UGP2: variants seen among roughly 807,000 people sequenced by gnomAD.
The protein encoded by UGP2 is UDP-glucose pyrophosphorylase 2.
Under a neutral mutation model 49.0 loss-of-function variants are expected in UGP2, and 40 were observed. The ratio of observed to expected loss-of-function variants is 0.82; its 90% CI spans 0.63 to 1.06. The LOEUF (loss-of-function observed/expected upper bound fraction) is 1.06. Among genes scored for constraint, UGP2 ranks in the 50% least tolerant of loss-of-function variants. The pLI is 0.00. For synonymous variants in UGP2, 225 were observed against 213.0 expected, an observed-to-expected ratio of 1.06 and a Z score of -0.49; for missense variants, 460 against 603.5, an observed-to-expected ratio of 0.76 and a Z score of 2.49.
In UGP2 at chr2:63,886,463, ATGGATTTCTCT is replaced by A. The variant is rs1558963025; in HGVS notation, c.999_1009del (p.Trp333CysfsTer4). 6.2e-7 allele frequency: 1 copy of A among 1,614,166 alleles called. No homozygotes were observed. The highest frequency in any genetic ancestry group is 8.5e-7 in the Non-Finnish European group (1 of 1,180,012). On this transcript the variant is annotated frameshift_variant, in exon 7 of 10. Transcript: ENST00000337130. LOFTEE classifies it high-confidence loss of function. ...TCAAAATATTTAATACAAACAACCTATGGATTTCTCTTGCAGCAGTTAAAAGACTGCAGGAG... is the reference window on the plus strand; with the variant it reads ...TCAAAATATTTAATACAAACAACCTATGCAGCAGTTAAAAGACTGCAGGAG...
intron 3 of UGP2, among the ~76,000 whole-genome samples, chr2:63,878,471 T>G (rs181064930): frequency 6.6e-6 from 1 of 152,368 alleles, no homozygotes; most frequent in East Asian, 1.9e-4. Flanking sequence ...AGGCTCTGAT[T>G]ATGTCTCCAT....
chr2:63,876,177 G>A (rs948282694), intron 3 of UGP2, among the ~76,000 whole-genome samples: 15 of 152,078 alleles, frequency 9.9e-5, no homozygotes, highest in African/African-American at 3.4e-4. Context: ...GGGACTGCTT[G>A]GTTAGGTGCC....
intron 5 of UGP2, among the ~76,000 whole-genome samples, chr2:63,884,703 GGAGTTTGA>G (rs959416041): frequency 6.6e-6 from 1 of 152,054 alleles, no homozygotes; most frequent in Non-Finnish European, 1.5e-5. Flanking sequence ...CTTGAGCCTA[GGAGTTTGA>G]GACCAGCCTG....
chr2:63,889,883 CAA>C, intron 8 of UGP2, 196 bp from the exon 9 acceptor site: 1 of 467,270 alleles, frequency 2.1e-6, no homozygotes. Flanking sequence ...GGTGTAAAAA[CAA>C]TGTTTGTAGC....
intron 3 of UGP2, among the ~76,000 whole-genome samples, chr2:63,865,145 A>G (rs1193195800): frequency 6.6e-6 from 1 of 152,028 alleles, no homozygotes; most frequent in African/African-American, 2.4e-5. Context: ...TCAAATACCC[A>G]CTGTTTTATT....
chr2:63,891,005 A>C (rs896826001), intron 9 of UGP2, 115 bp from the exon 10 acceptor site: 3 of 671,892 alleles, frequency 4.5e-6, no homozygotes, highest in Non-Finnish European at 7.2e-6. Flanking sequence ...TATTGTTTAT[A>C]AAAAAAGTTA....
chr2:63,884,206 CA>C (rs2104356320), intron 5 of UGP2, 113 bp downstream of exon 5: 2 of 1,292,348 alleles, frequency 1.5e-6, no homozygotes, highest in East Asian at 5.0e-5. Context: ...TTGATGTTCA[CA>C]AGTGTTTGAT....
In UGP2 at chr2:63,882,516, T is replaced by C; in HGVS notation, c.306T>C (p.Ser102=). 6.2e-7 allele frequency: 1 copy of C among 1,611,744 alleles called. No individual in the cohort carries two copies. The highest frequency in any genetic ancestry group is 1.3e-5 in the African/African-American group (1 of 75,016). The part of the protein sequence containing the change: ...IKARGLPDNI[S]SVLNKLVVVK... ...CCAGGGGCTTGCCTGATAATATATC[T>C]TCCGTGTTGAACAAACTAGTGGTGG... is the stretch of plus-strand genomic sequence containing the variant. Residue 102 remains serine, a synonymous_variant, in exon 4 of 10, where the codon TCT becomes TCC. Coordinates refer to ENST00000337130, the MANE Select transcript of UGP2 (RefSeq NM_006759.4).
At chr2:63,861,820 G>A (rs985128670) in intron 3 of UGP2, among the ~76,000 whole-genome samples, 10 of 151,978 alleles carry the variant, frequency 6.6e-5, no homozygotes, top group Non-Finnish European at 1.5e-5. Flanking sequence ...GAAGAGAATA[G>A]CATGCATCAA....
intron 1 of UGP2, among the ~76,000 whole-genome samples, chr2:63,847,035 T>G (rs1671982027): frequency 6.6e-6 from 1 of 152,220 alleles, no homozygotes; most frequent in South Asian, 2.1e-4. Context: ...GTAATCTCTG[T>G]GGTTAAATTG....
intron 3 of UGP2, among the ~76,000 whole-genome samples, chr2:63,880,281 CT>C (rs1671213897): frequency 6.6e-6 from 1 of 151,808 alleles, no homozygotes; most frequent in Non-Finnish European, 1.5e-5. Context: ...TCAGGTGATC[CT>C]CCCACCTCAG....
rs1025760074 is a variant in UGP2, at chr2:63,858,525, TA to T, written c.255+599del. 5.7e-3 allele frequency among the ~76,000 whole-genome samples: 848 copies of T among 147,992 alleles called. 5 individuals are homozygous for T. Among genetic ancestry groups the T allele is most frequent in the African/African-American group, 0.018 (743 of 40,468 alleles). On this transcript the variant is annotated intron_variant, in intron 3 of 9. Coordinates refer to ENST00000337130, the MANE Select transcript of UGP2 (RefSeq NM_006759.4). ...AAAACTATACATAACATTCTCACTA[TA>T]AAAAAAAAAGCTAAAAAATAAAAAT...
At chr2:63,856,907 C>T (rs2104279700) in intron 2 of UGP2, 1 of 434,362 alleles carries the variant, frequency 2.3e-6, no homozygotes, top group African/African-American at 2.0e-5. Flanking sequence ...TTTTATATTT[C>T]AATTTATACT....
At chr2:63,866,924 A>G (rs1670221820) in intron 3 of UGP2, among the ~76,000 whole-genome samples, 1 of 152,170 alleles carries the variant, frequency 6.6e-6, no homozygotes, top group South Asian at 2.1e-4. Context: ...CATAGGAAAT[A>G]CAGATTTCTC....
chr2:63,874,485 C>T (rs1670774336), intron 3 of UGP2, among the ~76,000 whole-genome samples: 1 of 151,952 alleles, frequency 6.6e-6, no homozygotes, highest in South Asian at 2.1e-4. Flanking sequence ...AAGAGGAGGT[C>T]TACTTAGAAT....
At chr2:63,872,356 G>A (rs1362575891) in intron 3 of UGP2, among the ~76,000 whole-genome samples, 1 of 152,228 alleles carries the variant, frequency 6.6e-6, no homozygotes, top group East Asian at 1.9e-4. Flanking sequence ...ATGTTAAAAT[G>A]TTGGGTACGG....
intron 3 of UGP2, among the ~76,000 whole-genome samples, chr2:63,875,563 A>G (rs1017358227): frequency 7.9e-5 from 12 of 152,340 alleles, no homozygotes; most frequent in Non-Finnish European, 4.4e-5. Flanking sequence ...TAAAAATCTC[A>G]TTCCACTTTC....
At chr2:63,884,413 T>A (rs1671519900) in intron 5 of UGP2, among the ~76,000 whole-genome samples, 1 of 152,214 alleles carries the variant, frequency 6.6e-6, no homozygotes, top group Non-Finnish European at 1.5e-5. Context: ...TATTCCTACA[T>A]TATTGATAAC....
Position 63,882,471 on chromosome 2 carries a change from A to G in UGP2, c.261A>G (p.Gln87=), listed in dbSNP as rs1671383557. The change falls in exon 4 of 10, where the codon CAA becomes CAG. Residue 87 remains glutamine (Q), a synonymous_variant. Coordinates refer to ENST00000337130, the MANE Select transcript of UGP2 (RefSeq NM_006759.4). ...KIQRPPEDSI[Q]PYEKIKARGL... ...TAATGTTATTTTTCTTTCAGATTCAACCCTATGAAAAGATAAAGGCCAGGG... is the reference window on the plus strand; with the variant it reads ...TAATGTTATTTTTCTTTCAGATTCAGCCCTATGAAAAGATAAAGGCCAGGG... 5.7e-6 allele frequency: 9 copies of G among 1,573,018 alleles called. No individual in the cohort carries two copies. The East Asian group carries it at 2.0e-4, about 36-fold the overall frequency.
Sources: allele counts gnomAD v4.1 joint callset (sites outside exome capture counted in the v4.1 genomes callset), GRCh38; gene constraint gnomAD v4.1.1; transcripts MANE v1.5; gene names NCBI Gene and HGNC (gene_info 2026-07-23, HGNC 2026-07-21).